BTBD9: variants seen among roughly 807,000 people sequenced by gnomAD.
BTBD9 encodes BTB domain containing 9, also known as BTB/POZ domain-containing protein 9.
In BTBD9, 49 loss-of-function variants were observed where a neutral mutation model predicts 64.3. The ratio of observed to expected loss-of-function variants is 0.76; its 90% CI spans 0.61 to 0.97. The LOEUF is 0.97. BTBD9 is among the 50% of genes least tolerant of loss of function. The pLI, the probability that BTBD9 is intolerant of heterozygous loss-of-function variation, is 0.00. For missense variants in BTBD9, 598 were observed against 762.1 expected (o/e 0.78, Z 2.53); for synonymous variants, 260 against 274.7 (o/e 0.95, Z 0.53).
In BTBD9 at chr6:38,283,799, T is replaced by G. The variant is rs531140448; in HGVS notation, c.1454+4473A>C. On this transcript the variant is annotated intron_variant, in intron 8 of 10. Coordinates refer to ENST00000481247, the MANE Select transcript of BTBD9 (RefSeq NM_001099272.2). ...CTCTGTAATACTCTCCCTCTGGTGT[T>G]GATGCAGAATCACTGGGTTTCTTCA... 3.9e-5 allele frequency among the ~76,000 whole-genome samples: 6 copies of G among 152,268 alleles called. No homozygotes were observed. The East Asian group carries it at 9.6e-4, about 24-fold the overall frequency.
Position 38,510,615 on chromosome 6 carries a change from C to T in BTBD9, c.1154+66985G>A, listed in dbSNP as rs148180723. ...ACTTTCTGAATCTTTAAAAATAATACTTAGCTTAAAACACAAACATTGTAT... is the reference window on the plus strand; with the variant it reads ...ACTTTCTGAATCTTTAAAAATAATATTTAGCTTAAAACACAAACATTGTAT... On this transcript the variant is annotated intron_variant, in intron 6 of 10. Transcript: ENST00000481247. Among the ~76,000 whole-genome samples the T allele has an allele frequency of 5.3e-3, 806 of 152,254 alleles. 17 individuals are homozygous for T. Among genetic ancestry groups the T allele is most frequent in the African/African-American group, 0.019 (777 of 41,540 alleles).
intron 6 of BTBD9, among the ~76,000 whole-genome samples, chr6:38,440,182 G>T (rs1388398997): frequency 1.3e-5 from 2 of 152,146 alleles, no homozygotes; most frequent in Non-Finnish European, 2.9e-5. Flanking sequence ...CTTGATTGAG[G>T]TCACCAAATT....
intron 7 of BTBD9, among the ~76,000 whole-genome samples, chr6:38,314,636 T>C (rs775298080): frequency 3.3e-5 from 5 of 152,146 alleles, no homozygotes; most frequent in Non-Finnish European, 7.3e-5. Context: ...TTTGGGAGAC[T>C]TTTTATTACG....
intron 6 of BTBD9, among the ~76,000 whole-genome samples, chr6:38,486,684 T>C (rs994640737): frequency 1.3e-5 from 2 of 152,184 alleles, no homozygotes; most frequent in African/African-American, 4.8e-5. Flanking sequence ...AATCATCGAT[T>C]ACAGATCACT....
intron 6 of BTBD9, among the ~76,000 whole-genome samples, chr6:38,396,150 G>T (rs188119663): frequency 3.9e-5 from 6 of 152,274 alleles, no homozygotes; most frequent in Admixed American, 2.0e-4. Context: ...TTAATGAAAT[G>T]ATATTAGCCT....
intron 9 of BTBD9, among the ~76,000 whole-genome samples, chr6:38,254,763 C>A (rs1005601635): frequency 5.3e-5 from 8 of 152,174 alleles, no homozygotes; most frequent in African/African-American, 1.9e-4. Flanking sequence ...TGGGCAATAG[C>A]AAGTGCTTGT....
intron 5 of BTBD9, among the ~76,000 whole-genome samples, chr6:38,578,822 C>T (rs957442118): frequency 1.4e-4 from 22 of 152,168 alleles, no homozygotes; most frequent in African/African-American, 4.8e-4. Context: ...ATGTAATGCA[C>T]ATACTGACAC....
Position 38,414,136 on chromosome 6 carries a change from C to T in BTBD9, c.1155-69043G>A, listed in dbSNP as rs78486341. ...TTATCTTTATGTTTGTGGACTATCA[C>T]TAAAAGAGACTGAACTGACAAAATT... is the stretch of plus-strand genomic sequence containing the variant. On this transcript the variant is annotated intron_variant, in intron 6 of 10. Transcript: ENST00000481247. Among the ~76,000 whole-genome samples the T allele has an allele frequency of 9.7e-4, 148 of 152,278 alleles. 2 individuals carry two copies. In the East Asian group the frequency reaches 0.015, roughly 16 times the overall value.
At chr6:38,560,808 C>G (rs1775232074) in intron 6 of BTBD9, among the ~76,000 whole-genome samples, 1 of 152,132 alleles carries the variant, frequency 6.6e-6, no homozygotes, top group African/African-American at 2.4e-5. Context: ...ATTTAGCTCC[C>G]ACTTACAAGT....
At chr6:38,637,599 G>A (rs1781742) in intron 1 of BTBD9, among the ~76,000 whole-genome samples, 43,626 of 151,918 alleles carry the variant, frequency 0.29, 6,525 homozygotes, top group African/African-American at 0.32. Flanking sequence ...ATAATCCCAA[G>A]CAAAACTATG....
chr6:38,275,552 T>C (rs1160735051), intron 8 of BTBD9, among the ~76,000 whole-genome samples: 4 of 149,466 alleles, frequency 2.7e-5, no homozygotes, highest in South Asian at 4.2e-4. Flanking sequence ...ACCATCAGAG[T>C]GAACAGGCAA....
intron 10 of BTBD9, 27 bp from the exon 11 acceptor site, chr6:38,175,209 T>A: frequency 2.5e-6 from 4 of 1,612,974 alleles, no homozygotes; most frequent in Non-Finnish European, 2.5e-6. Flanking sequence ...AAAGACCCCA[T>A]GAGTGAAGGG....
intron 9 of BTBD9, among the ~76,000 whole-genome samples, chr6:38,240,968 T>C (rs1408609043): frequency 6.6e-6 from 1 of 152,174 alleles, no homozygotes; most frequent in African/African-American, 2.4e-5. Flanking sequence ...TGACACTAGA[T>C]TAATGTAGAT....
intron 6 of BTBD9, among the ~76,000 whole-genome samples, chr6:38,531,801 T>C (rs1773812365): frequency 6.6e-6 from 1 of 152,126 alleles, no homozygotes; most frequent in African/African-American, 2.4e-5. Flanking sequence ...AAATAATGGG[T>C]TATATTATTT....
rs869155666 is a variant in BTBD9, at chr6:38,171,846, C to CAAAAAAAA, written c.*3131_*3138dup. 26 of 79,164 alleles carry CAAAAAAAA rather than the reference C, an allele frequency of 3.3e-4. No individual in the cohort carries two copies. Among genetic ancestry groups the CAAAAAAAA allele is most frequent in the South Asian group, 1.2e-3 (2 of 1,620 alleles). 4.9% of individuals were successfully genotyped at this position (79,164 alleles called of 1,614,324 possible). A position where few individuals can be genotyped will look rare whatever the true frequency, so the allele number is the denominator to read the frequency against. The stretch of plus-strand genomic sequence containing the variant: ...TCCAATGAAGTTGCCTTTCTACTCT[C>CAAAAAAAA]AAAAAAAAAAAAAAAAAAAAAAAAA... On this transcript the variant is annotated 3_prime_UTR_variant, in exon 11 of 11. Transcript: ENST00000481247.
chr6:38,271,702 C>A (rs1765201253), intron 8 of BTBD9, among the ~76,000 whole-genome samples: 1 of 152,008 alleles, frequency 6.6e-6, no homozygotes, highest in Non-Finnish European at 1.5e-5. Context: ...AAAACTAAAG[C>A]TGTTCTATTT....
chr6:38,618,714 T>C (rs887930297), intron 1 of BTBD9, among the ~76,000 whole-genome samples: 4 of 152,236 alleles, frequency 2.6e-5, no homozygotes, highest in Non-Finnish European at 4.4e-5. Context: ...CAGATGATCC[T>C]GATAGGTATA....
chr6:38,555,555 AG>A (rs1774978116), intron 6 of BTBD9, among the ~76,000 whole-genome samples: 1 of 152,260 alleles, frequency 6.6e-6, no homozygotes, highest in Admixed American at 6.5e-5. Context: ...TAGCAGTAGT[AG>A]TGATAAACAG....
chr6:38,339,288 G>C (rs1315449307), intron 7 of BTBD9, among the ~76,000 whole-genome samples: 1 of 152,130 alleles, frequency 6.6e-6, no homozygotes, highest in Admixed American at 6.5e-5. Context: ...GGACCATGCA[G>C]CTATAAAAAG....
Sources: gnomAD v4.1 joint callset for allele counts (sites outside exome capture counted in the v4.1 genomes callset) on GRCh38, gnomAD v4.1.1 for gene constraint, MANE v1.5 for transcripts, NCBI Gene and HGNC (gene_info 2026-07-23, HGNC 2026-07-21) for gene names.